Variants in ECPAS observed in about 807,000 individuals in gnomAD.
ECPAS encodes the protein Ecm29 proteasome adaptor and scaffold, also known as proteasome adapter and scaffold protein ECM29.
ECPAS carries 70 observed loss-of-function variants against 255.1 expected under a neutral mutation model. The ratio of observed to expected loss-of-function variants is 0.27; its 90% CI spans 0.23 to 0.33. The LOEUF (loss-of-function observed/expected upper bound fraction) is 0.33, where lower values mean the gene tolerates loss of function less well. ECPAS is among the 10% of genes least tolerant of loss of function. The pLI, the probability that ECPAS is intolerant of heterozygous loss-of-function variation, is 1.00. For missense variants in ECPAS, 1,817 were observed against 2,206.4 expected, an observed-to-expected ratio of 0.82 and a Z score of 3.54; for synonymous variants, 784 against 775.0, an observed-to-expected ratio of 1.01 and a Z score of -0.19.
intron 7 of ECPAS, among the ~76,000 whole-genome samples, chr9:111,434,445 T>C (rs1564543487): frequency 6.6e-6 from 1 of 152,132 alleles, no homozygotes; most frequent in Non-Finnish European, 1.5e-5. Context: ...ATCCAAAATA[T>C]TATTCAACAT....
At chr9:111,469,607 G>A (rs1432283657) in intron 2 of ECPAS, among the ~76,000 whole-genome samples, 2 of 151,600 alleles carry the variant, frequency 1.3e-5, no homozygotes, top group Non-Finnish European at 2.9e-5. Context: ...TCAGGAGATC[G>A]AGACCACCCT....
intron 17 of ECPAS, among the ~76,000 whole-genome samples, chr9:111,417,455 TTA>T (rs1403886525): frequency 1.3e-5 from 2 of 152,116 alleles, no homozygotes; most frequent in African/African-American, 2.4e-5. Context: ...GCTAGAAACT[TTA>T]TGAGTCAGCT....
chr9:111,440,569 T>C (rs2131895565), intron 5 of ECPAS, 48 bp from the exon 6 acceptor site: 1 of 1,422,982 alleles, frequency 7.0e-7, no homozygotes, highest in East Asian at 2.4e-5. Context: ...AATGAGATTT[T>C]TATACATGCA....
At chr9:111,437,409 C>G (rs1205388664) in intron 6 of ECPAS, among the ~76,000 whole-genome samples, 2 of 152,148 alleles carry the variant, frequency 1.3e-5, no homozygotes, top group Non-Finnish European at 2.9e-5. Flanking sequence ...AATGGCTACT[C>G]CAGAATCACA....
chr9:111,361,994 T>C lies in ECPAS; in HGVS notation c.*36A>G. ...AGAACACCACCACTTCAACCCCCAATGAACATGGCACTTGTTTGTTTCTTC... is the reference window on the plus strand; with the variant it reads ...AGAACACCACCACTTCAACCCCCAACGAACATGGCACTTGTTTGTTTCTTC... On this transcript the variant is annotated 3_prime_UTR_variant, in exon 50 of 50. Transcript: ENST00000684092. 6.2e-7 allele frequency: 1 copy of C among 1,604,874 alleles called. No homozygotes were observed. Among genetic ancestry groups the C allele is most frequent in the Non-Finnish European group, 8.5e-7 (1 of 1,175,300 alleles).
intron 31 of ECPAS, among the ~76,000 whole-genome samples, chr9:111,389,032 C>T (rs1336781307): frequency 1.3e-5 from 2 of 152,194 alleles, no homozygotes; most frequent in Non-Finnish European, 2.9e-5. Context: ...ATAAAGATGA[C>T]ATTTACATGC....
chr9:111,370,997 T>C (rs192324351), intron 43 of ECPAS, among the ~76,000 whole-genome samples: 1 of 152,294 alleles, frequency 6.6e-6, no homozygotes, highest in East Asian at 1.9e-4. Context: ...AAAGAACTGA[T>C]TCGACCCAGG....
At chr9:111,438,366 CT>C (rs2098241048) in intron 6 of ECPAS, among the ~76,000 whole-genome samples, 1 of 152,182 alleles carries the variant, frequency 6.6e-6, no homozygotes, top group Non-Finnish European at 1.5e-5. Context: ...TGGCTCAGGC[CT>C]ATAATCCCAG....
chr9:111,463,045 T>C (rs1680960212), intron 2 of ECPAS, among the ~76,000 whole-genome samples: 1 of 152,162 alleles, frequency 6.6e-6, no homozygotes, highest in African/African-American at 2.4e-5. Context: ...CACACCCAAC[T>C]ACATTCATGG....
Position 111,389,626 on chromosome 9 carries a change from A to T in ECPAS, c.3377T>A (p.Phe1126Tyr). Residue 1126 changes from phenylalanine to tyrosine, a missense_variant, in exon 31 of 50, where the codon TTT becomes TAT. Phe to Tyr is a conservative substitution (Grantham distance 22, BLOSUM62 3). Transcript: ENST00000684092. ...QLVPRLYRYQFDPNLGIRQAM... is the reference protein window; with the variant it reads ...QLVPRLYRYQYDPNLGIRQAM... ...CTGTCGAATGCCAAGGTTGGGATCA[A>T]ACTGGTAACGATAAAGTCGAGGAAC... 2 of 1,613,996 alleles carry T rather than the reference A, an allele frequency of 1.2e-6. No individual in the cohort carries two copies. The highest frequency in any genetic ancestry group is 1.7e-6 in the Non-Finnish European group (2 of 1,179,854).
At chr9:111,467,370 T>C (rs903975685) in intron 2 of ECPAS, among the ~76,000 whole-genome samples, 1 of 152,216 alleles carries the variant, frequency 6.6e-6, no homozygotes, top group Non-Finnish European at 1.5e-5. Flanking sequence ...AAGGATTCTA[T>C]TTAAGGCAAT....
chr9:111,384,562 A>ACAGATT lies in ECPAS; in HGVS notation c.3635_3640dup (p.Glu1212_Ser1213dup), dbSNP rs2098145012. ...CAGAGCTAGTTCTGCCGCTTTTCGT[A>ACAGATT]CAGATTCCTAAAAATGACAAAAGTG... On this transcript the variant is annotated inframe_insertion, in exon 34 of 50. Coordinates refer to ENST00000684092, the MANE Select transcript of ECPAS (RefSeq NM_001364929.1). 6.2e-7 allele frequency: 1 copy of ACAGATT among 1,613,664 alleles called. No individual in the cohort carries two copies. The highest frequency in any genetic ancestry group is 8.5e-7 in the Non-Finnish European group (1 of 1,179,750).
chr9:111,382,014 C>CA (rs1465851918), intron 35 of ECPAS, among the ~76,000 whole-genome samples: 1 of 149,844 alleles, frequency 6.7e-6, no homozygotes, highest in Non-Finnish European at 1.5e-5. Context: ...GTAAAACACA[C>CA]ACACACACAC....
Position 111,427,355 on chromosome 9 carries a change from C to T in ECPAS, c.1050+687G>A, listed in dbSNP as rs778000181. 7.8e-4 allele frequency among the ~76,000 whole-genome samples: 119 copies of T among 152,096 alleles called. 3 individuals carry two copies. Among genetic ancestry groups the T allele is most frequent in the Non-Finnish European group, 2.6e-4 (18 of 68,024 alleles). ...GATTTGGCCACTGCCTTCAAGTGAG[C>T]TTTCAGTTAAGGATGACTCAGCTTT... On this transcript the variant is annotated intron_variant, in intron 10 of 49. Transcript: ENST00000684092.
At chr9:111,419,578 TAAA>T (rs951930873) in intron 16 of ECPAS, among the ~76,000 whole-genome samples, 2 of 151,884 alleles carry the variant, frequency 1.3e-5, no homozygotes, top group Admixed American at 6.6e-5. Context: ...ATACCTCATT[TAAA>T]AATATATTAG....
intron 48 of ECPAS, 79 bp from the exon 49 acceptor site, chr9:111,363,738 A>G (rs1325096968): frequency 1.1e-5 from 8 of 733,154 alleles, no homozygotes; most frequent in Non-Finnish European, 1.8e-5. Context: ...TTGCTGAAAG[A>G]AAGATGTCCA....
At chr9:111,388,299 G>C (rs898410665) in intron 31 of ECPAS, among the ~76,000 whole-genome samples, 2 of 149,550 alleles carry the variant, frequency 1.3e-5, no homozygotes, top group African/African-American at 4.9e-5. Flanking sequence ...TGACACTCAC[G>C]TCTCAAGGGT....
chr9:111,361,893 C>T lies in ECPAS; in HGVS notation c.*137G>A. The T allele has an allele frequency of 9.4e-7, 1 of 1,062,782 alleles. No individual in the cohort carries two copies. The highest frequency in any genetic ancestry group is 1.3e-6 in the Non-Finnish European group (1 of 768,096). 65.8% of individuals were successfully genotyped at this position (1,062,782 alleles called of 1,614,324 possible). On this transcript the variant is annotated 3_prime_UTR_variant, in exon 50 of 50. Transcript: ENST00000684092. ...AGCTAATAAGGAACAAAATTTAAGG[C>T]TTTTTCTTTTTATTTCAGCCAAGGA...
chr9:111,384,349 T>C (rs1257824623), intron 34 of ECPAS, among the ~76,000 whole-genome samples, 173 bp downstream of exon 34: 1 of 152,244 alleles, frequency 6.6e-6, no homozygotes, highest in African/African-American at 2.4e-5. Flanking sequence ...AACACACTAG[T>C]ACTGCAGTGT....
Sources: allele counts gnomAD v4.1 joint callset (sites outside exome capture counted in the v4.1 genomes callset), GRCh38; gene constraint gnomAD v4.1.1; transcripts MANE v1.5; gene names NCBI Gene and HGNC (gene_info 2026-07-23, HGNC 2026-07-21).